MACROD2: variants seen among roughly 807,000 people sequenced by gnomAD.
The protein encoded by MACROD2 is mono-ADP ribosylhydrolase 2, also known as ADP-ribose glycohydrolase MACROD2.
In MACROD2, 36 loss-of-function variants were observed where a neutral mutation model predicts 70.4. The ratio of observed to expected loss-of-function variants is 0.51; its 90% CI spans 0.39 to 0.68. MACROD2 has a LOEUF of 0.68. Ranked by LOEUF, MACROD2 falls within the 30% of genes least tolerant of loss-of-function variation. The probability of loss-of-function intolerance (pLI) is 0.00; values close to 1 mark genes in which losing one functional copy is unlikely to be tolerated. For synonymous variants in MACROD2, 172 were observed against 178.8 expected, an observed-to-expected ratio of 0.96 and a Z score of 0.30; for missense variants, 496 against 538.4, an observed-to-expected ratio of 0.92 and a Z score of 0.78.
At chr20:14,042,012 A>G (rs1336941226) in intron 2 of MACROD2, among the ~76,000 whole-genome samples, 1 of 152,196 alleles carries the variant, frequency 6.6e-6, no homozygotes, top group African/African-American at 2.4e-5. Context: ...ATTAGAGGAA[A>G]AATTAACAGT....
chr20:15,346,559 A>G lies in MACROD2; in HGVS notation c.541-84846A>G, dbSNP rs532788738. On this transcript the variant is annotated intron_variant, in intron 6 of 17. Transcript: ENST00000684519. ...GAGCTGGCTGGGCTGGGACCTGGGA[A>G]TCAGATTGTTCCATCTGTTGCCAGG... 5.1e-4 allele frequency among the ~76,000 whole-genome samples: 78 copies of G among 152,270 alleles called. 2 individuals are homozygous for G. In the South Asian group the frequency reaches 0.016, roughly 30 times the overall value.
intron 6 of MACROD2, among the ~76,000 whole-genome samples, chr20:15,374,306 A>C (rs2045532868): frequency 6.6e-6 from 1 of 151,920 alleles, no homozygotes; most frequent in South Asian, 2.1e-4. Context: ...GTATATATAC[A>C]TATGTAATTA....
intron 5 of MACROD2, among the ~76,000 whole-genome samples, chr20:15,221,030 C>T (rs547917245): frequency 2.0e-5 from 3 of 152,222 alleles, no homozygotes; most frequent in East Asian, 1.9e-4. Context: ...CTGCGTGTCC[C>T]GACATTGACC....
intron 6 of MACROD2, among the ~76,000 whole-genome samples, chr20:15,401,978 A>T (rs2045936860): frequency 6.6e-6 from 1 of 152,208 alleles, no homozygotes; most frequent in African/African-American, 2.4e-5. Flanking sequence ...AATATCATTT[A>T]TTCTTTTTGA....
chr20:14,250,947 A>G (rs1455954747), intron 3 of MACROD2, among the ~76,000 whole-genome samples: 1 of 152,136 alleles, frequency 6.6e-6, no homozygotes, highest in East Asian at 1.9e-4. Flanking sequence ...GAAAAGTTCT[A>G]ATTGATTGTC....
intron 8 of MACROD2, among the ~76,000 whole-genome samples, chr20:15,535,444 A>G (rs1384901594): frequency 2.0e-5 from 3 of 152,236 alleles, no homozygotes; most frequent in Admixed American, 2.0e-4. Context: ...TTGCTATATC[A>G]GAAATCCTGA....
chr20:14,852,478 A>G (rs1242667202), intron 5 of MACROD2, among the ~76,000 whole-genome samples: 1 of 152,164 alleles, frequency 6.6e-6, no homozygotes, highest in Non-Finnish European at 1.5e-5. Flanking sequence ...CAAGAAGTTT[A>G]GTAGTGGAGG....
At chr20:14,050,634 C>T (rs560792246) in intron 2 of MACROD2, among the ~76,000 whole-genome samples, 1 of 152,226 alleles carries the variant, frequency 6.6e-6, no homozygotes, top group South Asian at 2.1e-4. Context: ...AAACTGACCC[C>T]TGGAAAGTGG....
chr20:14,131,567 C>T (rs2054718588), intron 3 of MACROD2, among the ~76,000 whole-genome samples: 1 of 152,116 alleles, frequency 6.6e-6, no homozygotes, highest in Non-Finnish European at 1.5e-5. Flanking sequence ...AAATGTTCCA[C>T]TTGAAATCCG....
chr20:15,677,967 A>G (rs1325611664), intron 8 of MACROD2, among the ~76,000 whole-genome samples: 1 of 152,082 alleles, frequency 6.6e-6, no homozygotes, highest in African/African-American at 2.4e-5. Flanking sequence ...CGGGAGGCTG[A>G]AGCAGGAGAA....
chr20:15,888,034 G>C (rs564776058), intron 10 of MACROD2, among the ~76,000 whole-genome samples: 6 of 152,202 alleles, frequency 3.9e-5, no homozygotes, highest in African/African-American at 1.4e-4. Flanking sequence ...ATGTGCTCAT[G>C]AACACACCCA....
chr20:15,195,634 G>T (rs2076601071), intron 5 of MACROD2, among the ~76,000 whole-genome samples: 1 of 152,174 alleles, frequency 6.6e-6, no homozygotes. Context: ...CTGTTGGTCG[G>T]AGTATAAATT....
intron 3 of MACROD2, among the ~76,000 whole-genome samples, chr20:14,375,763 C>T (rs1479062519): frequency 2.6e-5 from 4 of 152,102 alleles, no homozygotes; most frequent in Non-Finnish European, 4.4e-5. Context: ...TTGTAGATAT[C>T]GTGGAAACCA....
chr20:14,140,454 A>G (rs539380611), intron 3 of MACROD2, among the ~76,000 whole-genome samples: 1 of 152,332 alleles, frequency 6.6e-6, no homozygotes, highest in Admixed American at 6.5e-5. Context: ...GATTCTGAGC[A>G]TAGCATTTGA....
intron 5 of MACROD2, among the ~76,000 whole-genome samples, chr20:15,130,177 C>T (rs1176610336): frequency 2.0e-5 from 3 of 152,034 alleles, no homozygotes; most frequent in Non-Finnish European, 4.4e-5. Context: ...GAAGCTGAAT[C>T]TCAAAATATT....
chr20:15,585,971 G>A (rs757555552), intron 8 of MACROD2, among the ~76,000 whole-genome samples: 1 of 152,058 alleles, frequency 6.6e-6, no homozygotes, highest in East Asian at 1.9e-4. Context: ...TCAAGTAAAG[G>A]GCTGGAGTAT....
intron 6 of MACROD2, among the ~76,000 whole-genome samples, chr20:15,265,498 A>T (rs1373963842): frequency 6.6e-6 from 1 of 152,204 alleles, no homozygotes; most frequent in Non-Finnish European, 1.5e-5. Context: ...CTTTCAATAT[A>T]TTAAGAGCAG....
rs1568747428 is a variant in MACROD2 at position 14,702,599 on chromosome 20, GTGTATATATATGTGTA to G, written c.418+17642_418+17657del. Among the ~76,000 whole-genome samples the G allele has an allele frequency of 0.037, 43 of 1,158 alleles. 6 individuals are homozygous for G. The East Asian group carries it at 0.51, about 14-fold the overall frequency. The allele number at this position is 1,158 out of a possible 152,430, so 0.8% of individuals were successfully genotyped here. On this transcript the variant is annotated intron_variant, in intron 5 of 17. Transcript: ENST00000684519. ...TGTGTATATATATGTATATATATGT[GTGTATATATATGTGTA>G]TATATATATACATATATATATGTAT...
intron 5 of MACROD2, among the ~76,000 whole-genome samples, chr20:14,838,061 G>C (rs917515596): frequency 6.6e-6 from 1 of 151,994 alleles, no homozygotes; most frequent in Non-Finnish European, 1.5e-5. Context: ...TGTAAAACAA[G>C]GAGAATTGTT....
Sources: allele counts gnomAD v4.1 joint callset (sites outside exome capture counted in the v4.1 genomes callset), GRCh38; gene constraint gnomAD v4.1.1; transcripts MANE v1.5; gene names NCBI Gene and HGNC (gene_info 2026-07-23, HGNC 2026-07-21).